The following NCBP1 variants were observed in gnomAD, a reference collection of about 807,000 sequenced individuals.
NCBP1 encodes the protein nuclear cap binding protein subunit 1.
Under a neutral mutation model 111.7 loss-of-function variants are expected in NCBP1, and 16 were observed. That is an observed-to-expected ratio of 0.14 (90% CI 0.10 to 0.22). The LOEUF (loss-of-function observed/expected upper bound fraction) is 0.22. Ranked by LOEUF, NCBP1 falls within the 10% of genes least tolerant of loss-of-function variation. The probability of loss-of-function intolerance (pLI) is 1.00; values close to 1 mark genes in which losing one functional copy is unlikely to be tolerated. For synonymous variants in NCBP1, 304 were observed against 314.3 expected, an observed-to-expected ratio of 0.97 and a Z score of 0.35; for missense variants, 607 against 957.5, an observed-to-expected ratio of 0.63 and a Z score of 4.83.
rs114743608 is a variant in NCBP1 at position 97,649,545 on chromosome 9, T to C, written c.898-958T>C. Among the ~76,000 whole-genome samples the C allele has an allele frequency of 2.4e-3, 363 of 152,334 alleles. 2 individuals are homozygous for C. Among genetic ancestry groups the C allele is most frequent in the African/African-American group, 8.5e-3 (354 of 41,576 alleles). ...GCTAATGACCAGTAGGAATTTAGTATATATGTAATCTATTTTGGAATAAAA... is the reference window on the plus strand; with the variant it reads ...GCTAATGACCAGTAGGAATTTAGTACATATGTAATCTATTTTGGAATAAAA... On this transcript the variant is annotated intron_variant, in intron 8 of 22. Coordinates refer to ENST00000375147, the MANE Select transcript of NCBP1 (RefSeq NM_002486.5).
intron 22 of NCBP1, chr9:97,669,933 T>A: frequency 5.0e-6 from 2 of 399,226 alleles, no homozygotes; most frequent in Non-Finnish European, 8.8e-6. Flanking sequence ...CCGCCCCACC[T>A]TTTTTTTGAG....
intron 22 of NCBP1, among the ~76,000 whole-genome samples, 196 bp from the exon 23 acceptor site, chr9:97,670,890 C>T (rs1828169911): frequency 6.6e-6 from 1 of 152,132 alleles, no homozygotes; most frequent in Non-Finnish European, 1.5e-5. Flanking sequence ...AGCTATTGAG[C>T]ATCCATTTTT....
chr9:97,653,860 A>G lies in NCBP1; in HGVS notation c.1122A>G (p.Thr374=). The change falls in exon 11 of 23, where the codon ACA becomes ACG. Residue 374 remains threonine, a synonymous_variant. Coordinates refer to ENST00000375147, the MANE Select transcript of NCBP1 (RefSeq NM_002486.5). The part of the protein sequence containing the change: ...APPHIDVMYT[T]LLIELCKLQP... Reference sequence around the variant, plus strand: ...CTCACATTGATGTGATGTACACAACACTCCTCATTGAACTGTGCAAACTTC... The same window carrying G: ...CTCACATTGATGTGATGTACACAACGCTCCTCATTGAACTGTGCAAACTTC... 1 of 1,613,716 alleles carries G rather than the reference A, an allele frequency of 6.2e-7. No homozygotes were observed. The highest frequency in any genetic ancestry group is 8.5e-7 in the Non-Finnish European group (1 of 1,179,902).
intron 1 of NCBP1, 73 bp from the exon 2 acceptor site, chr9:97,640,721 C>A: frequency 8.4e-7 from 1 of 1,191,194 alleles, no homozygotes; most frequent in Non-Finnish European, 1.2e-6. Context: ...GAGATTATAA[C>A]CTAAAAAGGT....
chr9:97,660,058 T>G (rs1346211345), intron 15 of NCBP1, among the ~76,000 whole-genome samples: 1 of 152,198 alleles, frequency 6.6e-6, no homozygotes, highest in Non-Finnish European at 1.5e-5. Context: ...GCAAGCCAGT[T>G]TTGTATTGCT....
At chr9:97,651,277 A>G in intron 9 of NCBP1, 33 bp from the exon 10 acceptor site, 3 of 1,569,948 alleles carry the variant, frequency 1.9e-6, no homozygotes, top group East Asian at 4.6e-5. Flanking sequence ...GTGTCTTCGT[A>G]TACTTATTAA....
chr9:97,658,860 G>A (rs1827748779), intron 15 of NCBP1, 117 bp downstream of exon 15: 9 of 757,594 alleles, frequency 1.2e-5, no homozygotes, highest in Non-Finnish European at 2.0e-5. Context: ...TATATTTCCT[G>A]TATTTGAAAG....
In NCBP1 at chr9:97,671,216, A is replaced by C; in HGVS notation, c.*17A>C. On this transcript the variant is annotated 3_prime_UTR_variant, in exon 23 of 23. Coordinates refer to ENST00000375147, the MANE Select transcript of NCBP1 (RefSeq NM_002486.5). ...CAGGCCTAAGGGTCATTTTTTCCTCATGTCAAGGTTTTTTTTGATATCTTA... is the reference window on the plus strand; with the variant it reads ...CAGGCCTAAGGGTCATTTTTTCCTCCTGTCAAGGTTTTTTTTGATATCTTA... 1 of 1,520,504 alleles carries C rather than the reference A, an allele frequency of 6.6e-7. No homozygotes were observed. Among genetic ancestry groups the C allele is most frequent in the Non-Finnish European group, 9.0e-7 (1 of 1,110,692 alleles). 94.2% of individuals were successfully genotyped at this position (1,520,504 alleles called of 1,614,324 possible). A position where few individuals can be genotyped will look rare whatever the true frequency, so the allele number is the denominator to read the frequency against.
At position 97,671,382 on chromosome 9, in the gene NCBP1, T is replaced by C; in HGVS notation, c.*183T>C. Reference sequence around the variant, plus strand: ...ATTGCCCTGAAAAGCAAATACTTCCTAACGGCAGTAATGTGACTATGACCA... The same window carrying C: ...ATTGCCCTGAAAAGCAAATACTTCCCAACGGCAGTAATGTGACTATGACCA... On this transcript the variant is annotated 3_prime_UTR_variant, in exon 23 of 23. Transcript: ENST00000375147. The C allele has an allele frequency of 1.9e-6, 1 of 539,362 alleles. No homozygotes were observed. The highest frequency in any genetic ancestry group is 3.1e-5 in the East Asian group (1 of 32,090). 33.4% of individuals were successfully genotyped at this position (539,362 alleles called of 1,614,324 possible).
chr9:97,642,038 G>A (rs1460617336), intron 3 of NCBP1, among the ~76,000 whole-genome samples: 1 of 151,998 alleles, frequency 6.6e-6, no homozygotes, highest in Non-Finnish European at 1.5e-5. Flanking sequence ...GCCCTTCTTG[G>A]AAGACTGAAG....
At chr9:97,662,678 C>T (rs1391564266) in intron 17 of NCBP1, among the ~76,000 whole-genome samples, 1 of 152,166 alleles carries the variant, frequency 6.6e-6, no homozygotes, top group Non-Finnish European at 1.5e-5. Flanking sequence ...GAATATTTCA[C>T]CATGTTTGAA....
Position 97,672,834 on chromosome 9 carries a change from A to C in NCBP1, c.*1635A>C, listed in dbSNP as rs1828232176. On this transcript the variant is annotated 3_prime_UTR_variant, in exon 23 of 23. Coordinates refer to ENST00000375147, the MANE Select transcript of NCBP1 (RefSeq NM_002486.5). ...ATTTTCTTTTCTCTAGCTTCATAAG[A>C]ATATAGCATATGGGCTGGGCGCAGT... 6.4e-6 allele frequency: 1 copy of C among 155,592 alleles called. No homozygotes were observed. The highest frequency in any genetic ancestry group is 2.4e-5 in the African/African-American group (1 of 41,510). 9.6% of individuals were successfully genotyped at this position (155,592 alleles called of 1,614,324 possible).
intron 21 of NCBP1, 50 bp downstream of exon 21, chr9:97,669,024 T>C (rs1828096436): frequency 1.3e-6 from 2 of 1,506,294 alleles, no homozygotes; most frequent in African/African-American, 1.4e-5. Flanking sequence ...TACATTTCTT[T>C]AGTTTTAGTT....
chr9:97,652,795 T>C (rs1827535549), intron 10 of NCBP1, among the ~76,000 whole-genome samples: 1 of 152,226 alleles, frequency 6.6e-6, no homozygotes, highest in Non-Finnish European at 1.5e-5. Flanking sequence ...TTACAAAACT[T>C]GGATATACTT....
chr9:97,663,857 C>T (rs1282787898), intron 18 of NCBP1, among the ~76,000 whole-genome samples: 2 of 151,704 alleles, frequency 1.3e-5, no homozygotes, highest in Non-Finnish European at 2.9e-5. Context: ...AGTGCTAGAG[C>T]AAAGCAAAGG....
chr9:97,665,576 C>A (rs1031998942), intron 19 of NCBP1, among the ~76,000 whole-genome samples: 1 of 152,184 alleles, frequency 6.6e-6, no homozygotes, highest in Admixed American at 6.5e-5. Context: ...TAGTCCACCC[C>A]CTCCAGAGTT....
chr9:97,653,940 C>T, intron 11 of NCBP1, 32 bp downstream of exon 11: 1 of 1,532,438 alleles, frequency 6.5e-7, no homozygotes, highest in South Asian at 1.2e-5. Flanking sequence ...AACTTAATCT[C>T]TTTGGCCTGG....
At chr9:97,640,772 A>C (rs1167708761) in intron 1 of NCBP1, 22 bp from the exon 2 acceptor site, 40 of 1,575,240 alleles carry the variant, frequency 2.5e-5, no homozygotes, top group Non-Finnish European at 3.4e-5. Context: ...TGTAATGTTA[A>C]TTTTTTATGT....
intron 15 of NCBP1, among the ~76,000 whole-genome samples, chr9:97,659,827 T>C (rs1827780845): frequency 6.6e-6 from 1 of 152,234 alleles, no homozygotes; most frequent in Non-Finnish European, 1.5e-5. Context: ...CCGCCTAACA[T>C]TCAAGGCCTT....
Sources: allele counts gnomAD v4.1 joint callset (sites outside exome capture counted in the v4.1 genomes callset), GRCh38; gene constraint gnomAD v4.1.1; transcripts MANE v1.5; gene names NCBI Gene and HGNC (gene_info 2026-07-23, HGNC 2026-07-21).